Variants in SRRM1 observed in about 807,000 individuals in gnomAD.
SRRM1 encodes the protein serine/arginine repetitive matrix protein 1.
Under a neutral mutation model 110.2 loss-of-function variants are expected in SRRM1, and 19 were observed. The observed-to-expected ratio is 0.17, with a 90% CI of 0.12 to 0.25. The LOEUF (loss-of-function observed/expected upper bound fraction) is 0.25, where lower values mean the gene tolerates loss of function less well. Among genes scored for constraint, SRRM1 ranks in the 10% least tolerant of loss-of-function variants. SRRM1 has a pLI of 1.00. For missense variants in SRRM1, 918 were observed against 1,145.8 expected, an observed-to-expected ratio of 0.80 and a Z score of 2.87; for synonymous variants, 443 against 414.9, an observed-to-expected ratio of 1.07 and a Z score of -0.82.
At position 24,663,254 on chromosome 1, in the gene SRRM1, G is replaced by A. The variant is rs552247579; in HGVS notation, c.1628+450G>A. ...GTTAGACACTACTTTGTAAATTAGG[G>A]TTACATGTCAAAAATTGTAGTGACT... On this transcript the variant is annotated intron_variant, in intron 12 of 16. Transcript: ENST00000323848. 148 of 1,467,422 alleles carry A rather than the reference G, an allele frequency of 1.0e-4. No individual in the cohort carries two copies. The African/African-American group carries it at 1.8e-3, about 17-fold the overall frequency. The allele number at this position is 1,467,422 out of a possible 1,614,324, so 90.9% of individuals were successfully genotyped here. A position where few individuals can be genotyped will look rare whatever the true frequency, so the allele number is the denominator to read the frequency against.
chr1:24,654,461 C>A (rs1178953719), intron 8 of SRRM1: 3 of 873,030 alleles, frequency 3.4e-6, no homozygotes, highest in East Asian at 6.2e-5. Context: ...TTTAAAAATG[C>A]AACCTAAAGG....
rs373180505 is a variant in SRRM1 at position 24,662,777 on chromosome 1, G to T, written c.1601G>T (p.Arg534Leu). ...TCCCGGAGTGCTTCTCCATCACCAC[G>T]AAAGCGCCAAAAAGAGACTTCCCCT... is the stretch of plus-strand genomic sequence containing the variant. ...SPSRSASPSP[R>L]KRQKETSPRG... Residue 534 changes from arginine to leucine, a missense_variant, in exon 12 of 17, where the codon CGA becomes CTA. Coordinates refer to ENST00000323848, the MANE Select transcript of SRRM1 (RefSeq NM_005839.4). The T allele has an allele frequency of 1.2e-6, 2 of 1,614,130 alleles. No homozygotes were observed. The highest frequency in any genetic ancestry group is 2.2e-5 in the East Asian group (1 of 44,892).
At chr1:24,668,938 G>T (rs1671392179) in intron 13 of SRRM1, among the ~76,000 whole-genome samples, 185 bp from the exon 14 acceptor site, 1 of 151,978 alleles carries the variant, frequency 6.6e-6, no homozygotes. Flanking sequence ...GTCCTGTGTT[G>T]CAGTCAGCTG....
At position 24,652,947 on chromosome 1, in the gene SRRM1, AGGC is replaced by A; in HGVS notation, c.959_961del (p.Arg320del). ...ACCTAGAAGGCGGCCAAGCCCAAGA[AGGC>A]GGCCATCTCCTCGAAGAAGAACTCC... On this transcript the variant is annotated inframe_deletion, in exon 8 of 17. Transcript: ENST00000323848. 6.2e-7 allele frequency: 1 copy of A among 1,614,114 alleles called. No homozygotes were observed. Among genetic ancestry groups the A allele is most frequent in the Non-Finnish European group, 8.5e-7 (1 of 1,179,978 alleles).
chr1:24,669,817 G>C, intron 14 of SRRM1: 1 of 558,674 alleles, frequency 1.8e-6, no homozygotes, highest in Non-Finnish European at 3.1e-6. Flanking sequence ...GTTTTTGAGG[G>C]GTATGCTTCC....
In SRRM1 at chr1:24,671,331, A is replaced by G. The variant is rs1672637130; in HGVS notation, c.2401-55A>G. ...GAGGAAATAAAATGTTCAGTTGGAC[A>G]GAATATTAATCAGATTGATTATAAA... On this transcript the variant is annotated intron_variant, in intron 15 of 16. Coordinates refer to ENST00000323848, the MANE Select transcript of SRRM1 (RefSeq NM_005839.4). The G allele has an allele frequency of 2.0e-6, 3 of 1,469,966 alleles. No individual in the cohort carries two copies. The Admixed American group carries it at 6.3e-5, about 31-fold the overall frequency. 91.1% of individuals were successfully genotyped at this position (1,469,966 alleles called of 1,614,324 possible). A position where few individuals can be genotyped will look rare whatever the true frequency, so the allele number is the denominator to read the frequency against.
At chr1:24,644,618 A>C (rs1570627612) in intron 1 of SRRM1, among the ~76,000 whole-genome samples, 1 of 152,200 alleles carries the variant, frequency 6.6e-6, no homozygotes, top group African/African-American at 2.4e-5. Context: ...TATTTTACCT[A>C]AGAACAACCA....
chr1:24,667,292 G>A (rs546324698), intron 13 of SRRM1, among the ~76,000 whole-genome samples: 2 of 152,268 alleles, frequency 1.3e-5, no homozygotes, highest in East Asian at 3.9e-4. Context: ...TCATTTAATT[G>A]TATACTTTAA....
chr1:24,652,419 C>CT lies in SRRM1; in HGVS notation c.726-11dup, dbSNP rs778183267. 7.4e-7 allele frequency: 1 copy of CT among 1,358,516 alleles called. No individual in the cohort carries two copies. Among genetic ancestry groups the CT allele is most frequent in the South Asian group, 1.7e-5 (1 of 58,188 alleles). The allele number at this position is 1,358,516 out of a possible 1,614,324, so 84.2% of individuals were successfully genotyped here. A position where few individuals can be genotyped will look rare whatever the true frequency, so the allele number is the denominator to read the frequency against. On this transcript the variant is annotated splice_polypyrimidine_tract_variant and intron_variant, in intron 6 of 16. Transcript: ENST00000323848. Reference sequence around the variant, plus strand: ...AAGAAGGCAAAAAAAAAAAAAAAAGCTTTTGTTTCCACAGTGACATTCTGA... The same window carrying CT: ...AAGAAGGCAAAAAAAAAAAAAAAAGCTTTTTGTTTCCACAGTGACATTCTGA...
chr1:24,655,590 G>A (rs919723389), intron 9 of SRRM1, among the ~76,000 whole-genome samples: 2 of 152,076 alleles, frequency 1.3e-5, no homozygotes, highest in Non-Finnish European at 1.5e-5. Flanking sequence ...AAGCTGATTT[G>A]TTTTTTTAAT....
chr1:24,652,029 A>AATAAATATATAT (rs1553167328), intron 6 of SRRM1, among the ~76,000 whole-genome samples: 1 of 79,846 alleles, frequency 1.3e-5, no homozygotes, highest in Non-Finnish European at 2.6e-5. Flanking sequence ...CTGTACTAAA[A>AATAAATATATAT]ATATATATAT....
At chr1:24,652,727 A>G in intron 7 of SRRM1, 99 bp downstream of exon 7, 1 of 1,329,010 alleles carries the variant, frequency 7.5e-7, no homozygotes, top group Non-Finnish European at 1.0e-6. Context: ...GAAGATGTTT[A>G]GTACAAATAT....
At chr1:24,667,904 A>G (rs896983182) in intron 13 of SRRM1, among the ~76,000 whole-genome samples, 4 of 151,566 alleles carry the variant, frequency 2.6e-5, no homozygotes, top group Admixed American at 2.0e-4. Flanking sequence ...AAATTAGGGG[A>G]AAATGTTTTA....
chr1:24,657,604 G>T (rs922848465), intron 9 of SRRM1, among the ~76,000 whole-genome samples: 3 of 152,134 alleles, frequency 2.0e-5, no homozygotes, highest in Admixed American at 2.0e-4. Context: ...TCTTGATAGT[G>T]GGCAAATGGA....
At chr1:24,661,508 T>C in intron 11 of SRRM1, 112 bp downstream of exon 11, 1 of 690,092 alleles carries the variant, frequency 1.4e-6, no homozygotes, top group South Asian at 3.1e-5. Context: ...CATAGAAATC[T>C]GTCTGAGGAG....
intron 5 of SRRM1, 41 bp from the exon 6 acceptor site, chr1:24,651,368 C>T (rs184533714): frequency 6.5e-7 from 1 of 1,531,336 alleles, no homozygotes; most frequent in East Asian, 2.3e-5. Context: ...TCTTCCAATC[C>T]ATGTTATTTA....
Position 24,662,773 on chromosome 1 carries a change from C to T in SRRM1, c.1597C>T (p.Pro533Ser), listed in dbSNP as rs930993739. The T allele has an allele frequency of 5.6e-6, 9 of 1,614,058 alleles. No individual in the cohort carries two copies. Among genetic ancestry groups the T allele is most frequent in the Middle Eastern group, 1.6e-4 (1 of 6,084 alleles). ...CCCTTCCCGGAGTGCTTCTCCATCA[C>T]CACGAAAGCGCCAAAAAGAGACTTC... ...HSPSRSASPS[P>S]RKRQKETSPR... The change falls in exon 12 of 17, where the codon CCA becomes TCA. Residue 533 changes from proline (P) to serine (S), a missense_variant. Pro to Ser is a moderately conservative substitution (Grantham distance 74). This residue lies in a region of SRRM1 where 357 missense variants were observed against 402.9 expected (regional missense o/e 0.89). Coordinates refer to ENST00000323848, the MANE Select transcript of SRRM1 (RefSeq NM_005839.4).
At chr1:24,668,587 C>A (rs1396676487) in intron 13 of SRRM1, among the ~76,000 whole-genome samples, 2 of 152,158 alleles carry the variant, frequency 1.3e-5, no homozygotes, top group Admixed American at 1.3e-4. Context: ...GAAAATGGAA[C>A]AGTCTCTTTG....
chr1:24,660,018 C>T (rs1666331680), intron 9 of SRRM1, among the ~76,000 whole-genome samples: 1 of 152,098 alleles, frequency 6.6e-6, no homozygotes, highest in Non-Finnish European at 1.5e-5. Flanking sequence ...ACATAAAGAA[C>T]CTTTAACCTG....
Sources: gnomAD v4.1 joint callset for allele counts (sites outside exome capture counted in the v4.1 genomes callset) on GRCh38, gnomAD v4.1.1 for gene constraint, gnomAD v4.1.1 regional missense constraint, MANE v1.5 for transcripts, NCBI Gene and HGNC (gene_info 2026-07-23, HGNC 2026-07-21) for gene names.